The following RAB38 variants were observed in gnomAD, a reference collection of about 807,000 sequenced individuals.
RAB38 encodes the protein RAB38, member RAS oncogene family, also known as ras-related protein Rab-38.
A neutral mutation model predicts 18.4 loss-of-function variants in RAB38; 15 were observed. The observed-to-expected ratio is 0.82, with a 90% confidence interval of 0.55 to 1.26. The LOEUF (loss-of-function observed/expected upper bound fraction) is 1.26. Ranked by LOEUF, RAB38 falls within the 50% of genes most tolerant of loss-of-function variation. The probability of loss-of-function intolerance (pLI) is 0.00; values close to 1 mark genes in which losing one functional copy is unlikely to be tolerated. For synonymous variants in RAB38, 101 were observed against 104.4 expected (o/e 0.97, Z 0.20); for missense variants, 294 against 267.4 (o/e 1.10, Z -0.69).
At chr11:88,021,163 T>C in the RAB38 span, among the ~76,000 whole-genome samples, 1 of 151,868 alleles carries the variant, frequency 6.6e-6, no homozygotes, top group Non-Finnish European at 1.5e-5. Context: ...AAACAAAAAG[T>C]TGGTTTATTG....
the RAB38 span, among the ~76,000 whole-genome samples, chr11:88,053,022 A>G: frequency 1.3e-5 from 1 of 74,262 alleles, no homozygotes; most frequent in South Asian, 3.5e-4. Flanking sequence ...ACACATATAT[A>G]TGGAATATAT....
At chr11:87,816,668 C>T in the RAB38 span, 8 of 151,924 alleles carry the variant, frequency 5.3e-5, no homozygotes, top group African/African-American at 7.2e-5. Flanking sequence ...TGAAATAATT[C>T]GGTCTAGATA....
chr11:87,940,625 T>C, the RAB38 span, among the ~76,000 whole-genome samples: 1 of 151,886 alleles, frequency 6.6e-6, no homozygotes, highest in African/African-American at 2.4e-5. Context: ...TGTGTGTATA[T>C]ATATGACAGA....
chr11:87,962,245 G>A, the RAB38 span, among the ~76,000 whole-genome samples: 1 of 152,132 alleles, frequency 6.6e-6, no homozygotes, highest in East Asian at 1.9e-4. Context: ...TCCCCGATTT[G>A]ACATGTACTA....
chr11:87,920,134 T>TATTTTAAAAATAAATA, the RAB38 span, among the ~76,000 whole-genome samples: 1 of 152,060 alleles, frequency 6.6e-6, no homozygotes, highest in East Asian at 1.9e-4. Context: ...TTATAATCTG[T>TATTTTAAAAATAAATA]ATTTTATTTA....
the RAB38 span, among the ~76,000 whole-genome samples, chr11:88,007,958 G>T: frequency 6.6e-6 from 1 of 152,004 alleles, no homozygotes; most frequent in South Asian, 2.1e-4. Flanking sequence ...TCAAAAATAC[G>T]TTGAGTAAAG....
the RAB38 span, among the ~76,000 whole-genome samples, chr11:88,053,674 C>A: frequency 4.0e-5 from 6 of 151,326 alleles, no homozygotes; most frequent in Non-Finnish European, 7.4e-5. Flanking sequence ...GGCCATGAGA[C>A]AAAAAGCAGA....
the RAB38 span, among the ~76,000 whole-genome samples, chr11:88,062,348 G>A: frequency 3.3e-5 from 5 of 152,064 alleles, no homozygotes; most frequent in African/African-American, 4.8e-5. Flanking sequence ...AGACATGCCT[G>A]CTTCCCCTTC....
At chr11:87,843,267 C>A in the RAB38 span, among the ~76,000 whole-genome samples, 1 of 152,214 alleles carries the variant, frequency 6.6e-6, no homozygotes, top group East Asian at 1.9e-4. Flanking sequence ...ACAGCCACAG[C>A]CTGCCACTTT....
the RAB38 span, among the ~76,000 whole-genome samples, chr11:87,975,825 C>A: frequency 2.0e-5 from 3 of 151,458 alleles, no homozygotes; most frequent in Non-Finnish European, 4.4e-5. Flanking sequence ...TAAATTGATA[C>A]ACCCATATCA....
intron 2 of RAB38, among the ~76,000 whole-genome samples, chr11:88,142,794 A>C (rs1308815471): frequency 6.6e-6 from 1 of 152,240 alleles, no homozygotes; most frequent in African/African-American, 2.4e-5. Context: ...GATGAGAAAA[A>C]GATAGGTAGT....
At chr11:88,053,176 AATATATATATACACACATATATAT>A in the RAB38 span, among the ~76,000 whole-genome samples, 1 of 113,876 alleles carries the variant, frequency 8.8e-6, no homozygotes, top group Non-Finnish European at 1.7e-5. Flanking sequence ...ATATATATGG[AATATATATATACACACATATATAT>A]GGAATATATA....
chr11:88,131,805 C>T (rs1240347648), intron 2 of RAB38, among the ~76,000 whole-genome samples: 1 of 152,194 alleles, frequency 6.6e-6, no homozygotes, highest in Non-Finnish European at 1.5e-5. Flanking sequence ...ACAGCATAGT[C>T]AGTCCCTTGA....
chr11:87,879,703 G>A, the RAB38 span: 4 of 151,604 alleles, frequency 2.6e-5, no homozygotes. Flanking sequence ...ACCAGTTCTT[G>A]TTTTAGTAAC....
intron 2 of RAB38, among the ~76,000 whole-genome samples, chr11:88,134,461 C>A (rs1942808073): frequency 1.3e-5 from 2 of 152,098 alleles, no homozygotes; most frequent in Admixed American, 6.6e-5. Context: ...AGGCTGGTCG[C>A]AAACTCTTGA....
the RAB38 span, among the ~76,000 whole-genome samples, chr11:87,861,837 T>G: frequency 6.6e-6 from 1 of 151,806 alleles, no homozygotes; most frequent in African/African-American, 2.4e-5. Context: ...AAAGCATCAA[T>G]TTTTCCTCAG....
the RAB38 span, among the ~76,000 whole-genome samples, chr11:87,930,997 G>A: frequency 6.0e-4 from 92 of 152,230 alleles, 1 homozygote; most frequent in African/African-American, 1.2e-3. Context: ...GTCAGGTAGC[G>A]TGATGCCTCC....
chr11:88,160,679 A>G (rs910513875), intron 1 of RAB38, among the ~76,000 whole-genome samples: 2 of 152,192 alleles, frequency 1.3e-5, no homozygotes, highest in Non-Finnish European at 2.9e-5. Flanking sequence ...TATCCTTTGC[A>G]GCAACATAGA....
chr11:87,824,891 CT>C, the RAB38 span, among the ~76,000 whole-genome samples: 1 of 152,022 alleles, frequency 6.6e-6, no homozygotes, highest in Non-Finnish European at 1.5e-5. Flanking sequence ...TATCAAGTAC[CT>C]AACACTGCAA....
Sources: gnomAD v4.1 joint callset for allele counts (sites outside exome capture counted in the v4.1 genomes callset) on GRCh38, gnomAD v4.1.1 for gene constraint, MANE v1.5 for transcripts, NCBI Gene and HGNC (gene_info 2026-07-23, HGNC 2026-07-21) for gene names.